The following ADAMTS7 variants were observed in gnomAD, a reference collection of about 807,000 sequenced individuals.
The protein encoded by ADAMTS7 is ADAM metallopeptidase with thrombospondin type 1 motif 7.
In ADAMTS7, 89 loss-of-function variants were observed where a neutral mutation model predicts 172.6. That is an observed-to-expected ratio of 0.52 (90% CI 0.43 to 0.61). The LOEUF is 0.61. Ranked by LOEUF, ADAMTS7 falls within the 20% of genes least tolerant of loss-of-function variation. The pLI is 0.00. For synonymous variants in ADAMTS7, 885 were observed against 978.4 expected (o/e 0.90, Z 1.78); for missense variants, 1,973 against 2,355.6 (o/e 0.84, Z 3.36).
At chr15:78,764,938 G>A in intron 19 of ADAMTS7, 1 of 471,890 alleles carries the variant, frequency 2.1e-6, no homozygotes, top group Non-Finnish European at 3.7e-6. Flanking sequence ...ATGGGACAAA[G>A]GGCCTGTGTT....
Position 78,774,091 on chromosome 15 carries a change from C to G in ADAMTS7, c.2010+76G>C, listed in dbSNP as rs2055297371. Reference sequence around the variant, plus strand: ...GGCCCGAGGAGGATCAGGAGGGACCCAGGAGAGAACCTGGGGCCTGCCAGT... The same window carrying G: ...GGCCCGAGGAGGATCAGGAGGGACCGAGGAGAGAACCTGGGGCCTGCCAGT... On this transcript the variant is annotated intron_variant, in intron 13 of 23. Transcript: ENST00000388820. 6 of 1,560,340 alleles carry G rather than the reference C, an allele frequency of 3.8e-6. No homozygotes were observed. The Admixed American group carries it at 9.1e-5, about 24-fold the overall frequency.
chr15:78,777,362 G>C (rs534893515), intron 9 of ADAMTS7, 82 bp downstream of exon 9: 1 of 1,509,956 alleles, frequency 6.6e-7, no homozygotes, highest in South Asian at 1.3e-5. Context: ...TCCCAGGCTG[G>C]CATCCACGGG....
At position 78,788,346 on chromosome 15, in the gene ADAMTS7, T is replaced by C; in HGVS notation, c.1207A>G (p.Asn403Asp). The C allele has an allele frequency of 6.2e-7, 1 of 1,613,194 alleles. No homozygotes were observed. The highest frequency in any genetic ancestry group is 8.5e-7 in the Non-Finnish European group (1 of 1,180,004). Residue 403 changes from asparagine to aspartate, a missense_variant, in exon 8 of 24, where the codon AAT becomes GAT. Asn to Asp is a conservative substitution (Grantham distance 23). Transcript: ENST00000388820. ...CGTTTCCCAACGGGCTCACAGTCAT[T>C]GCCGCTTCCGTCATGCTGAATGCCA... ...SFGIQHDGSG[N>D]DCEPVGKRPF...
At chr15:78,787,460 T>C (rs2055518855) in intron 8 of ADAMTS7, among the ~76,000 whole-genome samples, 1 of 151,742 alleles carries the variant, frequency 6.6e-6, no homozygotes, top group Non-Finnish European at 1.5e-5. Context: ...GGTCACGAGT[T>C]CAAGACCAGT....
Position 78,764,661 on chromosome 15 carries a change from CA to C in ADAMTS7, c.4312del (p.Cys1438ValfsTer107). ...GLGAVWRPVR[C>X]SSGRDEDCAP... ...GCAGTCCTCATCCCGGCCGGAGCTA[CA>C]GCGCACCGGCCTCCAGACCGCACCC... On this transcript the variant is annotated frameshift_variant, in exon 20 of 24. Coordinates refer to ENST00000388820, the MANE Select transcript of ADAMTS7 (RefSeq NM_014272.5). LOFTEE classifies it high-confidence loss of function. 1 of 1,575,864 alleles carries C rather than the reference CA, an allele frequency of 6.3e-7. No individual in the cohort carries two copies. The highest frequency in any genetic ancestry group is 8.5e-7 in the Non-Finnish European group (1 of 1,169,748).
intron 23 of ADAMTS7, among the ~76,000 whole-genome samples, chr15:78,760,081 G>A (rs2055018419): frequency 6.7e-6 from 1 of 148,520 alleles, no homozygotes; most frequent in Non-Finnish European, 1.5e-5. Flanking sequence ...TCAGCCTCGG[G>A]TTCTGAGTCA....
At position 78,771,386 on chromosome 15, in the gene ADAMTS7, T is replaced by G. The variant is rs1396509147; in HGVS notation, c.2377-83A>C. ...TAAAGGAGCTGACCCCAGCCACCTC[T>G]GTGAACTGCAGCTACAAGATTGGGC... On this transcript the variant is annotated intron_variant, in intron 15 of 23. Coordinates refer to ENST00000388820, the MANE Select transcript of ADAMTS7 (RefSeq NM_014272.5). The surrounding 1 kb of genome is among the most constrained non-coding windows in gnomAD (Gnocchi z 4.9). 9 of 1,599,198 alleles carry G rather than the reference T, an allele frequency of 5.6e-6. No homozygotes were observed. Among genetic ancestry groups the G allele is most frequent in the Non-Finnish European group, 7.7e-6 (9 of 1,171,974 alleles).
At chr15:78,777,949 G>C (rs557631289) in intron 8 of ADAMTS7, among the ~76,000 whole-genome samples, 1 of 152,320 alleles carries the variant, frequency 6.6e-6, no homozygotes, top group African/African-American at 2.4e-5. Flanking sequence ...AGACCCTGGA[G>C]CCAGGCCCGA....
At position 78,789,842 on chromosome 15, in the gene ADAMTS7, C is replaced by T. The variant is rs750672944; in HGVS notation, c.1029-4G>A. 3.2e-6 allele frequency: 5 copies of T among 1,582,162 alleles called. No individual in the cohort carries two copies. Among genetic ancestry groups the T allele is most frequent in the Admixed American group, 3.7e-5 (2 of 54,422 alleles). On this transcript the variant is annotated splice_polypyrimidine_tract_variant and splice_region_variant and intron_variant, in intron 6 of 23. Coordinates refer to ENST00000388820, the MANE Select transcript of ADAMTS7 (RefSeq NM_014272.5). ...CATGGCTGCACACAGGTCCTTTCTG[C>T]ACAGGCAAAGAAGCAGCCTTCAGGC...
intron 8 of ADAMTS7, among the ~76,000 whole-genome samples, chr15:78,778,904 G>A (rs1198823822): frequency 2.0e-5 from 3 of 152,096 alleles, no homozygotes; most frequent in Non-Finnish European, 2.9e-5. Context: ...AACACGAAAG[G>A]GTCAGGAAAC....
chr15:78,761,606 G>C (rs1227537551), intron 23 of ADAMTS7, among the ~76,000 whole-genome samples: 3 of 152,230 alleles, frequency 2.0e-5, no homozygotes, highest in Non-Finnish European at 4.4e-5. Flanking sequence ...CCCTGAGAGG[G>C]AAATGGAGCC....
At chr15:78,785,577 GA>G (rs2055491244) in intron 8 of ADAMTS7, among the ~76,000 whole-genome samples, 1 of 149,668 alleles carries the variant, frequency 6.7e-6, no homozygotes. Flanking sequence ...AAGAAAGAAA[GA>G]AATGCCATCT....
chr15:78,809,796 A>G (rs1234336542), intron 1 of ADAMTS7, among the ~76,000 whole-genome samples: 1 of 152,186 alleles, frequency 6.6e-6, no homozygotes, highest in East Asian at 1.9e-4. Context: ...TCAGGAGTCC[A>G]ACCCCACAGG....
chr15:78,797,920 CCCGAGAA>C lies in ADAMTS7; in HGVS notation c.622+21_622+27del, dbSNP rs2055667380. Reference sequence around the variant, plus strand: ...TTCATGTCCCCAGGCCCAGCACCCACCCGAGAACTGGGAGCAGAAGAGCATACCTTGC... The same window carrying C: ...TTCATGTCCCCAGGCCCAGCACCCACCTGGGAGCAGAAGAGCATACCTTGC... On this transcript the variant is annotated intron_variant, in intron 3 of 23. Transcript: ENST00000388820. 3.2e-6 allele frequency: 5 copies of C among 1,587,036 alleles called. No individual in the cohort carries two copies. In the East Asian group the frequency reaches 1.2e-4, roughly 37 times the overall value.
chr15:78,783,398 T>A (rs2055458874), intron 8 of ADAMTS7, among the ~76,000 whole-genome samples: 1 of 151,966 alleles, frequency 6.6e-6, no homozygotes. Context: ...GCCTCCTGAG[T>A]AGCTGTGATT....
rs916660462 is a variant in ADAMTS7 at position 78,772,995 on chromosome 15, C to T, written c.2131+88G>A. 1.2e-4 allele frequency: 171 copies of T among 1,450,258 alleles called. 1 individual carries two copies. The highest frequency in any genetic ancestry group is 5.5e-5 in the Non-Finnish European group (59 of 1,065,982). The allele number at this position is 1,450,258 out of a possible 1,614,324, so 89.8% of individuals were successfully genotyped here. ...CCATCTCCAGGCTGGGTGGGGGCCA[C>T]GAGGCCAAGGACAGGGGCCCAGGGG... On this transcript the variant is annotated intron_variant, in intron 14 of 23. Transcript: ENST00000388820.
At chr15:78,787,678 C>A (rs2055522640) in intron 8 of ADAMTS7, among the ~76,000 whole-genome samples, 1 of 151,840 alleles carries the variant, frequency 6.6e-6, no homozygotes, top group Non-Finnish European at 1.5e-5. Flanking sequence ...AACAAACAAA[C>A]AACAACAACA....
In ADAMTS7 at chr15:78,766,124, C is replaced by T. The variant is rs1200960947; in HGVS notation, c.3787G>A (p.Gly1263Arg). ...PSPDVAELWT[G>R]GTVAWEPALE... ...GCTGGCTCCCAGGCCACTGTGCCTC[C>T]TGTCCACAGCTCCGCCACGTCAGGA... The change falls in exon 19 of 24, where the codon GGA becomes AGA. Residue 1263 changes from glycine (G) to arginine (R), a missense_variant. By Grantham distance (125) the Gly-to-Arg change is moderately radical (BLOSUM62 -2). Transcript: ENST00000388820. 8 of 1,611,136 alleles carry T rather than the reference C, an allele frequency of 5.0e-6. No homozygotes were observed. The highest frequency in any genetic ancestry group is 4.2e-6 in the Non-Finnish European group (5 of 1,179,786).
At chr15:78,803,372 CAACAA>C (rs1428212139) in intron 1 of ADAMTS7, among the ~76,000 whole-genome samples, 2 of 151,548 alleles carry the variant, frequency 1.3e-5, no homozygotes, top group African/African-American at 4.8e-5. Context: ...AAACAAAACA[CAACAA>C]AACAAAAAAT....
Sources: gnomAD v4.1 joint callset for allele counts (sites outside exome capture counted in the v4.1 genomes callset) on GRCh38, gnomAD v4.1.1 for gene constraint, Gnocchi (gnomAD v3.1) non-coding constraint, MANE v1.5 for transcripts, NCBI Gene and HGNC (gene_info 2026-07-23, HGNC 2026-07-21) for gene names.